The following MED15 variants were observed in gnomAD, a reference collection of about 807,000 sequenced individuals.
The protein encoded by MED15 is mediator complex subunit 15, also known as mediator of RNA polymerase II transcription subunit 15.
MED15 carries 41 observed loss-of-function variants against 118.7 expected under a neutral mutation model. That is an observed-to-expected ratio of 0.35 (90% CI 0.27 to 0.45). MED15 has a LOEUF of 0.45. Among genes scored for constraint, MED15 ranks in the 20% least tolerant of loss-of-function variants. The pLI, the probability that MED15 is intolerant of heterozygous loss-of-function variation, is 1.00. For missense variants in MED15, 740 were observed against 1,025.5 expected (o/e 0.72, Z 3.80); for synonymous variants, 436 against 413.9 (o/e 1.05, Z -0.65).
intron 2 of MED15, among the ~76,000 whole-genome samples, chr22:20,544,390 G>A (rs1401006146): frequency 6.6e-6 from 1 of 152,204 alleles, no homozygotes; most frequent in Non-Finnish European, 1.5e-5. Flanking sequence ...TTTAGGCCGG[G>A]TGCGGTGGCT....
chr22:20,542,419 A>G (rs991820236), intron 2 of MED15, among the ~76,000 whole-genome samples: 2 of 152,254 alleles, frequency 1.3e-5, no homozygotes, highest in African/African-American at 4.8e-5. Context: ...GATACATGCT[A>G]CAACATGGAT....
intron 1 of MED15, among the ~76,000 whole-genome samples, chr22:20,530,851 C>T (rs1393526003): frequency 6.6e-6 from 1 of 152,124 alleles, no homozygotes; most frequent in Non-Finnish European, 1.5e-5. Context: ...TGCACATGCT[C>T]ATTGGGCCAT....
intron 1 of MED15, among the ~76,000 whole-genome samples, chr22:20,530,764 G>T (rs1026471308): frequency 3.3e-5 from 5 of 152,116 alleles, no homozygotes; most frequent in Non-Finnish European, 5.9e-5. Context: ...TCCTTCTTGC[G>T]GGCGGTGGAG....
intron 9 of MED15, 60 bp from the exon 10 acceptor site, chr22:20,582,551 G>A: frequency 6.5e-7 from 1 of 1,534,804 alleles, no homozygotes; most frequent in Non-Finnish European, 8.7e-7. Flanking sequence ...GTGGGCAGGT[G>A]GTGTGGAGGC....
At chr22:20,575,072 T>G (rs764149206) in intron 8 of MED15, 41 bp from the exon 9 acceptor site, 8 of 1,610,590 alleles carry the variant, frequency 5.0e-6, no homozygotes, top group Non-Finnish European at 6.8e-6. Flanking sequence ...CTGAGTTTCT[T>G]TGTTGCGATC....
intron 2 of MED15, among the ~76,000 whole-genome samples, chr22:20,544,276 A>G (rs1424932915): frequency 6.6e-6 from 1 of 152,166 alleles, no homozygotes; most frequent in African/African-American, 2.4e-5. Flanking sequence ...TTACAAAGCC[A>G]CTGCCATATT....
At chr22:20,585,376 T>G in intron 16 of MED15, 109 bp downstream of exon 16, 3 of 1,403,434 alleles carry the variant, frequency 2.1e-6, no homozygotes, top group Non-Finnish European at 2.9e-6. Flanking sequence ...CACCCTGTGT[T>G]CACGCCCCGC....
In MED15 at chr22:20,568,559, G is replaced by C; in HGVS notation, c.1080G>C (p.Gln360His). Residue 360 changes from glutamine to histidine, a missense_variant, in exon 8 of 18, where the codon CAG (glutamine) becomes CAC (histidine). Gln to His is a conservative substitution (Grantham distance 24). Around this residue, in one of 7 missense-constraint regions of MED15, gnomAD observed 384 missense variants for 506.3 expected, o/e 0.76. Transcript: ENST00000263205. Reference protein sequence around the residue: ...APMVVQQPPVQPQVQQQQTAV... With the variant: ...APMVVQQPPVHPQVQQQQTAV... Reference sequence around the variant, plus strand: ...TGGTGGTGCAGCAGCCCCCAGTGCAGCCCCAGGTGCAGCAGCAGCAGACAG... The same window carrying C: ...TGGTGGTGCAGCAGCCCCCAGTGCACCCCCAGGTGCAGCAGCAGCAGACAG... The C allele has an allele frequency of 2.5e-6, 4 of 1,613,872 alleles. No homozygotes were observed. The highest frequency in any genetic ancestry group is 3.4e-6 in the Non-Finnish European group (4 of 1,180,010).
At position 20,550,389 on chromosome 22, in the gene MED15, G is replaced by A. The variant is rs578157879; in HGVS notation, c.157-1047G>A. On this transcript the variant is annotated intron_variant, in intron 2 of 17. Transcript: ENST00000263205. ...TCATGTTGTCCTGTGCTAATTCCCC[G>A]AGCTGAAAAAAAGAAGTGGGGTAGA... is the stretch of plus-strand genomic sequence containing the variant. Among the ~76,000 whole-genome samples the A allele has an allele frequency of 1.1e-4, 16 of 152,134 alleles. No individual in the cohort carries two copies. The South Asian group carries it at 2.9e-3, about 28-fold the overall frequency.
Position 20,522,481 on chromosome 22 carries a change from T to C in MED15, c.69-14636T>C, listed in dbSNP as rs574685766. On this transcript the variant is annotated intron_variant, in intron 1 of 17. Transcript: ENST00000263205. Reference sequence around the variant, plus strand: ...AAGAAAAAAGGAATGGAAAGGCTGATCTAGGAGGGAGGAAGCTCATAAGGA... The same window carrying C: ...AAGAAAAAAGGAATGGAAAGGCTGACCTAGGAGGGAGGAAGCTCATAAGGA... 8.5e-5 allele frequency among the ~76,000 whole-genome samples: 13 copies of C among 152,256 alleles called. No homozygotes were observed. In the East Asian group the frequency reaches 1.2e-3, roughly 14 times the overall value.
At chr22:20,540,919 A>AC (rs397760538) in intron 2 of MED15, among the ~76,000 whole-genome samples, 12 of 151,054 alleles carry the variant, frequency 7.9e-5, no homozygotes, top group African/African-American at 2.4e-4. Flanking sequence ...AACAACAACA[A>AC]AAAGCAACTA....
Position 20,518,551 on chromosome 22 carries a change from T to TTGAG in MED15, c.68+10808_68+10811dup, listed in dbSNP as rs146700538. On this transcript the variant is annotated intron_variant, in intron 1 of 17. Coordinates refer to ENST00000263205, the MANE Select transcript of MED15 (RefSeq NM_001003891.3). ...GCCTGTGGTGGCTCCAGAGCCCTCA[T>TTGAG]TGAGTGCATCCTGACACGAACTGAA... Among the ~76,000 whole-genome samples the TTGAG allele has an allele frequency of 2.2e-4, 33 of 152,288 alleles. No homozygotes were observed. The East Asian group carries it at 6.0e-3, about 28-fold the overall frequency.
intron 14 of MED15, chr22:20,584,637 T>C: frequency 1.2e-6 from 1 of 814,470 alleles, no homozygotes; most frequent in Non-Finnish European, 1.9e-6. Flanking sequence ...GGGTGCCTCC[T>C]TCACCCATTT....
intron 1 of MED15, 97 bp downstream of exon 1, chr22:20,507,843 C>A: frequency 6.4e-7 from 1 of 1,556,424 alleles, no homozygotes; most frequent in South Asian, 1.2e-5. Flanking sequence ...CCTACGGCGC[C>A]GGGAGACAGA....
In MED15 at chr22:20,551,485, T is replaced by C; in HGVS notation, c.206T>C (p.Ile69Thr). 1 of 1,613,972 alleles carries C rather than the reference T, an allele frequency of 6.2e-7. No homozygotes were observed. The highest frequency in any genetic ancestry group is 8.5e-7 in the Non-Finnish European group (1 of 1,179,818). Residue 69 changes from isoleucine (I) to threonine (T), a missense_variant and splice_region_variant, in exon 3 of 18, where the codon ATT becomes ACT. By Grantham distance (89) the Ile-to-Thr change is moderately conservative (BLOSUM62 -1). This residue lies in a region of MED15 where 33 missense variants were observed against 78.2 expected (regional missense o/e 0.42). Transcript: ENST00000263205. ...VARLIIHFRD[I>T]HNKKSQASVS... ...AGGCTCATTATCCATTTTCGAGACA[T>C]TCGTAAGTAAGATTTTGCATTTCTG...
chr22:20,509,979 C>G (rs772646578), intron 1 of MED15, among the ~76,000 whole-genome samples: 1 of 152,090 alleles, frequency 6.6e-6, no homozygotes, highest in Non-Finnish European at 1.5e-5. Context: ...TACTTCATAA[C>G]TCAGCTTTAT....
intron 8 of MED15, among the ~76,000 whole-genome samples, chr22:20,571,473 G>T (rs5751448): frequency 0.06 from 9,208 of 152,318 alleles, 641 homozygotes; most frequent in East Asian, 0.38. Flanking sequence ...TGGCAGAGGA[G>T]CCTTGTAGTT....
intron 5 of MED15, among the ~76,000 whole-genome samples, chr22:20,560,529 C>CTGGGATTACAGGCA (rs1391889576): frequency 6.6e-6 from 1 of 152,192 alleles, no homozygotes; most frequent in Non-Finnish European, 1.5e-5. Flanking sequence ...TCCCAAAGTG[C>CTGGGATTACAGGCA]TGGGATTACA....
At chr22:20,562,671 C>T (rs949781587) in intron 5 of MED15, among the ~76,000 whole-genome samples, 4 of 152,100 alleles carry the variant, frequency 2.6e-5, no homozygotes, top group South Asian at 4.1e-4. Context: ...TGAGAACCAC[C>T]GCGACCCGCC....
Sources: allele counts gnomAD v4.1 joint callset (sites outside exome capture counted in the v4.1 genomes callset), GRCh38; gene constraint gnomAD v4.1.1; regional missense constraint gnomAD v4.1.1; transcripts MANE v1.5; gene names NCBI Gene and HGNC (gene_info 2026-07-23, HGNC 2026-07-21).